SUGCT: variants seen among roughly 807,000 people sequenced by gnomAD.
The protein encoded by SUGCT is succinyl-CoA:glutarate CoA-transferase.
Under a neutral mutation model 55.0 loss-of-function variants are expected in SUGCT, and 41 were observed. The observed-to-expected ratio is 0.74, with a 90% CI of 0.58 to 0.97. The LOEUF is 0.97. SUGCT is among the 50% of genes least tolerant of loss of function. The probability of loss-of-function intolerance (pLI) is 0.00; values close to 1 mark genes in which losing one functional copy is unlikely to be tolerated. For synonymous variants in SUGCT, 187 were observed against 200.4 expected (o/e 0.93, Z 0.56); for missense variants, 568 against 547.8 (o/e 1.04, Z -0.37).
At chr7:40,364,691 G>A (rs958018750) in intron 9 of SUGCT, among the ~76,000 whole-genome samples, 14 of 152,142 alleles carry the variant, frequency 9.2e-5, no homozygotes, top group Admixed American at 7.9e-4. Context: ...TCCGCTGTTA[G>A]TCTGATGGGC....
the SUGCT span, among the ~76,000 whole-genome samples, chr7:40,983,381 T>C: frequency 1.3e-5 from 2 of 152,224 alleles, no homozygotes; most frequent in Non-Finnish European, 2.9e-5. Context: ...CTCCCCTTCT[T>C]GGTGATTTAA....
chr7:40,947,626 G>T, the SUGCT span, among the ~76,000 whole-genome samples: 11 of 152,112 alleles, frequency 7.2e-5, no homozygotes, highest in African/African-American at 2.2e-4. Context: ...ATTTGTAATG[G>T]TGCCATGTTT....
chr7:40,817,822 G>T (rs1249024922), intron 13 of SUGCT, among the ~76,000 whole-genome samples: 1 of 152,130 alleles, frequency 6.6e-6, no homozygotes, highest in Non-Finnish European at 1.5e-5. Context: ...TTCATTAGTA[G>T]AAGGAACATC....
the SUGCT span, among the ~76,000 whole-genome samples, chr7:40,986,786 C>T: frequency 1.5e-4 from 23 of 152,242 alleles, no homozygotes; most frequent in East Asian, 5.8e-4. Flanking sequence ...TCATCAACAA[C>T]GAGGAATGTT....
At chr7:40,623,302 T>C (rs1280091910) in intron 12 of SUGCT, among the ~76,000 whole-genome samples, 1 of 152,182 alleles carries the variant, frequency 6.6e-6, no homozygotes, top group Non-Finnish European at 1.5e-5. Flanking sequence ...TCTATTTCAG[T>C]CATCCCCAGG....
intron 1 of SUGCT, among the ~76,000 whole-genome samples, chr7:40,150,658 C>G (rs555062537): frequency 6.6e-5 from 10 of 151,916 alleles, no homozygotes; most frequent in Non-Finnish European, 1.2e-4. Context: ...GGAACAAGAG[C>G]GAAACTACAC....
intron 12 of SUGCT, among the ~76,000 whole-genome samples, chr7:40,747,931 T>C (rs1584379068): frequency 6.6e-6 from 1 of 152,174 alleles, no homozygotes; most frequent in Non-Finnish European, 1.5e-5. Context: ...CTGGGGATTT[T>C]GTCTTTTTGC....
At chr7:40,401,375 G>A (rs1041899121) in intron 9 of SUGCT, among the ~76,000 whole-genome samples, 3 of 152,180 alleles carry the variant, frequency 2.0e-5, no homozygotes, top group Non-Finnish European at 4.4e-5. Context: ...ATTCAGAGAA[G>A]GGCTCTGCCC....
intron 7 of SUGCT, among the ~76,000 whole-genome samples, chr7:40,270,847 G>T (rs556315841): frequency 2.0e-5 from 3 of 151,298 alleles, no homozygotes; most frequent in East Asian, 3.9e-4. Context: ...ATGTCTTTTG[G>T]TTTATTTTTG....
intron 9 of SUGCT, among the ~76,000 whole-genome samples, chr7:40,384,700 C>T (rs149584066): frequency 8.5e-5 from 13 of 152,136 alleles, no homozygotes; most frequent in African/African-American, 3.1e-4. Context: ...CCTGCTACCA[C>T]GCCTGGCTTT....
At chr7:40,847,365 G>A (rs547123565) in intron 13 of SUGCT, among the ~76,000 whole-genome samples, 2 of 150,886 alleles carry the variant, frequency 1.3e-5, no homozygotes, top group East Asian at 3.9e-4. Context: ...ATCAACAATT[G>A]AGGGTTCTGT....
intron 12 of SUGCT, among the ~76,000 whole-genome samples, chr7:40,561,688 CTTTTTTTTT>C (rs777766517): frequency 1.0e-5 from 1 of 100,162 alleles, no homozygotes; most frequent in African/African-American, 4.2e-5. Context: ...TAAGCCGAGT[CTTTTTTTTT>C]TTTTTTTTTT....
chr7:40,141,850 T>C, intron 1 of SUGCT: 1 of 426,854 alleles, frequency 2.3e-6, no homozygotes, highest in South Asian at 1.8e-5. Context: ...TATAGAAGAA[T>C]GCGCCCTTAC....
intron 12 of SUGCT, among the ~76,000 whole-genome samples, chr7:40,717,961 T>C (rs981382604): frequency 6.6e-5 from 10 of 152,296 alleles, no homozygotes; most frequent in African/African-American, 2.4e-4. Context: ...TTTTTAAAAA[T>C]TATCTATAAT....
At chr7:40,859,307 G>A (rs1462150954) in intron 13 of SUGCT, among the ~76,000 whole-genome samples, 1 of 152,226 alleles carries the variant, frequency 6.6e-6, no homozygotes, top group East Asian at 1.9e-4. Context: ...TGATGTTATG[G>A]AAAGTTCATG....
chr7:40,615,917 T>G (rs1288118397), intron 12 of SUGCT, among the ~76,000 whole-genome samples: 1 of 152,198 alleles, frequency 6.6e-6, no homozygotes, highest in Non-Finnish European at 1.5e-5. Flanking sequence ...TTGCTCTCCA[T>G]TTTGAAAGAC....
chr7:40,804,930 G>A (rs1358898122), intron 13 of SUGCT, among the ~76,000 whole-genome samples: 1 of 152,148 alleles, frequency 6.6e-6, no homozygotes, highest in East Asian at 1.9e-4. Flanking sequence ...GGCAGAATAT[G>A]GGAACGTGCA....
chr7:40,358,760 A>G (rs531642542), intron 9 of SUGCT, among the ~76,000 whole-genome samples: 6 of 152,270 alleles, frequency 3.9e-5, no homozygotes, highest in African/African-American at 4.8e-5. Flanking sequence ...CAACACTACT[A>G]TTCATAGAAA....
chr7:40,767,854 A>G (rs1443009948), intron 13 of SUGCT, among the ~76,000 whole-genome samples: 2 of 152,296 alleles, frequency 1.3e-5, no homozygotes, highest in East Asian at 3.9e-4. Context: ...AAAGCCAAGA[A>G]CGAGATGGAA....
Sources: allele counts gnomAD v4.1 joint callset (sites outside exome capture counted in the v4.1 genomes callset), GRCh38; gene constraint gnomAD v4.1.1; transcripts MANE v1.5; gene names NCBI Gene and HGNC (gene_info 2026-07-23, HGNC 2026-07-21).